RORA: variants seen among roughly 807,000 people sequenced by gnomAD.
RORA encodes nuclear receptor ROR-alpha.
In RORA, 7 loss-of-function variants were observed where a neutral mutation model predicts 69.5. The observed-to-expected ratio is 0.10, with a 90% confidence interval of 0.06 to 0.19. The LOEUF (loss-of-function observed/expected upper bound fraction) is 0.19, where lower values mean the gene tolerates loss of function less well. Ranked by LOEUF, RORA falls within the 10% of genes least tolerant of loss-of-function variation. The pLI, the probability that RORA is intolerant of heterozygous loss-of-function variation, is 1.00. For missense variants in RORA, 457 were observed against 663.0 expected, an observed-to-expected ratio of 0.69 and a Z score of 3.41; for synonymous variants, 261 against 240.8, an observed-to-expected ratio of 1.08 and a Z score of -0.78.
intron 1 of RORA, among the ~76,000 whole-genome samples, chr15:60,844,437 A>G (rs2073239410): frequency 6.6e-6 from 1 of 152,168 alleles, no homozygotes. Context: ...TGCCCCTAAG[A>G]GTATAGCAAA....
chr15:60,832,235 C>T (rs577586866), intron 1 of RORA, among the ~76,000 whole-genome samples: 1 of 152,112 alleles, frequency 6.6e-6, no homozygotes. Context: ...AGGTGGGGCC[C>T]TAGAATGAGG....
chr15:61,225,879 T>C (rs1232812395), intron 1 of RORA, among the ~76,000 whole-genome samples: 1 of 152,232 alleles, frequency 6.6e-6, no homozygotes, highest in African/African-American at 2.4e-5. Flanking sequence ...CTTCCTGCCT[T>C]TCTTTTTTCT....
At chr15:60,809,938 T>C (rs184028542) in intron 1 of RORA, among the ~76,000 whole-genome samples, 2 of 152,290 alleles carry the variant, frequency 1.3e-5, no homozygotes, top group South Asian at 2.1e-4. Context: ...CTTGAAGCTA[T>C]TTCCCCAGGA....
chr15:61,099,611 G>A (rs769072203), intron 1 of RORA, among the ~76,000 whole-genome samples: 3 of 152,150 alleles, frequency 2.0e-5, no homozygotes, highest in Non-Finnish European at 4.4e-5. Flanking sequence ...ACCAACACAC[G>A]CAACGCATAC....
At chr15:61,049,103 G>A (rs902233905) in intron 1 of RORA, among the ~76,000 whole-genome samples, 95 of 152,172 alleles carry the variant, frequency 6.2e-4, no homozygotes, top group Non-Finnish European at 2.1e-4. Flanking sequence ...TGAAATGCTG[G>A]AGGCTCAGTG....
At chr15:61,085,150 C>T (rs2078604261) in intron 1 of RORA, among the ~76,000 whole-genome samples, 1 of 152,136 alleles carries the variant, frequency 6.6e-6, no homozygotes, top group Admixed American at 6.5e-5. Context: ...AGAGGTTGCC[C>T]AGGGTAAGAA....
At chr15:60,789,579 T>C (rs2072386988) in intron 1 of RORA, among the ~76,000 whole-genome samples, 2 of 152,228 alleles carry the variant, frequency 1.3e-5, no homozygotes, top group African/African-American at 4.8e-5. Flanking sequence ...ATCCCACTTG[T>C]TGTGAGCTCT....
chr15:61,071,769 G>A lies in RORA; in HGVS notation c.166+157284C>T, dbSNP rs1212426354. Among the ~76,000 whole-genome samples the A allele has an allele frequency of 2.6e-5, 4 of 151,710 alleles. No individual in the cohort carries two copies. In the South Asian group the frequency reaches 6.3e-4, roughly 24 times the overall value. On this transcript the variant is annotated intron_variant, in intron 1 of 10. Transcript: ENST00000335670. Reference sequence around the variant, plus strand: ...TTTGGATTTCAGAACTGAGATGAAGGTTACCAAAAGCAACAAATTATTTTA... The same window carrying A: ...TTTGGATTTCAGAACTGAGATGAAGATTACCAAAAGCAACAAATTATTTTA...
At chr15:60,745,603 T>C (rs974335152) in intron 1 of RORA, among the ~76,000 whole-genome samples, 15 of 152,222 alleles carry the variant, frequency 9.9e-5, no homozygotes, top group Admixed American at 9.2e-4. Flanking sequence ...GATCTTGAAC[T>C]AAGACACAGG....
intron 2 of RORA, among the ~76,000 whole-genome samples, chr15:60,621,339 C>A (rs2069402102): frequency 6.6e-6 from 1 of 152,066 alleles, no homozygotes; most frequent in African/African-American, 2.4e-5. Context: ...CCAACTAGGC[C>A]CTGGAAACCC....
chr15:60,828,269 A>G (rs2072992744), intron 1 of RORA, among the ~76,000 whole-genome samples: 1 of 152,180 alleles, frequency 6.6e-6, no homozygotes, highest in South Asian at 2.1e-4. Flanking sequence ...TCAGTGTCTC[A>G]GCCTGGCGCA....
At chr15:60,976,379 A>T (rs1366909820) in intron 1 of RORA, among the ~76,000 whole-genome samples, 1 of 152,212 alleles carries the variant, frequency 6.6e-6, no homozygotes, top group African/African-American at 2.4e-5. Context: ...AAAAGAGAAC[A>T]ATCCTGTATA....
At chr15:61,170,556 T>G (rs971666924) in intron 1 of RORA, among the ~76,000 whole-genome samples, 1 of 152,220 alleles carries the variant, frequency 6.6e-6, no homozygotes, top group African/African-American at 2.4e-5. Context: ...CCATGCAAGG[T>G]AACAGATTGC....
rs2065709360 is a variant in RORA, at chr15:60,511,852, T to C, written c.425-231A>G. Among the ~76,000 whole-genome samples, 1 of 152,100 alleles carries C rather than the reference T, an allele frequency of 6.6e-6. No homozygotes were observed. Among genetic ancestry groups the C allele is most frequent in the Non-Finnish European group, 1.5e-5 (1 of 68,026 alleles). Reference sequence around the variant, plus strand: ...GAAACTCATGTTTCAGAAAGAGGCCTGGTGCAGGTAGGAGGGGCCCAGAGA... The same window carrying C: ...GAAACTCATGTTTCAGAAAGAGGCCCGGTGCAGGTAGGAGGGGCCCAGAGA... On this transcript the variant is annotated intron_variant, in intron 4 of 10. Coordinates refer to ENST00000335670, the MANE Select transcript of RORA (RefSeq NM_134261.3). The surrounding 1 kb of genome is among the most constrained non-coding windows in gnomAD (Gnocchi z 6.4).
Position 61,160,828 on chromosome 15 carries a change from A to G in RORA, c.166+68225T>C, listed in dbSNP as rs186963225. On this transcript the variant is annotated intron_variant, in intron 1 of 10. Coordinates refer to ENST00000335670, the MANE Select transcript of RORA (RefSeq NM_134261.3). ...AAAAGTCACAATGCAGAGTGAACAC[A>G]AAGAAAATTCTTTTTATTTCTTCAC... Among the ~76,000 whole-genome samples the G allele has an allele frequency of 6.6e-5, 10 of 152,326 alleles. No individual in the cohort carries two copies. The East Asian group carries it at 1.4e-3, about 21-fold the overall frequency.
chr15:60,879,159 GCAGCAGCAAAGAATGATCACCT>G (rs1369909991), intron 1 of RORA, among the ~76,000 whole-genome samples: 3 of 152,320 alleles, frequency 2.0e-5, no homozygotes, highest in Non-Finnish European at 4.4e-5. Context: ...ATCTCCACTA[GCAGCAGCAAAGAATGATCACCT>G]ATCTTTGTAG....
intron 1 of RORA, among the ~76,000 whole-genome samples, chr15:61,103,805 G>A (rs993654176): frequency 9.5e-5 from 14 of 147,378 alleles, no homozygotes; most frequent in African/African-American, 3.3e-4. Context: ...CCCCCACCCC[G>A]TCCATTTACA....
chr15:60,902,959 G>C lies in RORA; in HGVS notation c.167-224273C>G, dbSNP rs554614905. On this transcript the variant is annotated intron_variant, in intron 1 of 10. Transcript: ENST00000335670. ...AGCTCCTAATTGAGGATATCTGCCAGACACAATAAATAAAGTTGAAAAACA... is the reference window on the plus strand; with the variant it reads ...AGCTCCTAATTGAGGATATCTGCCACACACAATAAATAAAGTTGAAAAACA... Among the ~76,000 whole-genome samples the C allele has an allele frequency of 3.7e-4, 56 of 152,248 alleles. 1 individual carries two copies. The highest frequency in any genetic ancestry group is 2.2e-4 in the Non-Finnish European group (15 of 68,038).
chr15:61,130,557 C>T (rs1254888900), intron 1 of RORA, among the ~76,000 whole-genome samples: 5 of 152,156 alleles, frequency 3.3e-5, no homozygotes, highest in Admixed American at 2.0e-4. Context: ...AACTGTGTTT[C>T]GCCATTTGAT....
Sources: allele counts gnomAD v4.1 joint callset (sites outside exome capture counted in the v4.1 genomes callset), GRCh38; gene constraint gnomAD v4.1.1; non-coding constraint Gnocchi (gnomAD v3.1); transcripts MANE v1.5; gene names NCBI Gene and HGNC (gene_info 2026-07-23, HGNC 2026-07-21).